NREP: variants seen among roughly 807,000 people sequenced by gnomAD.
NREP encodes the protein neuronal regeneration related protein.
Under a neutral mutation model 8.6 loss-of-function variants are expected in NREP, and 5 were observed. The observed-to-expected ratio is 0.58, with a 90% CI of 0.30 to 1.22. The LOEUF (loss-of-function observed/expected upper bound fraction) is 1.22. Ranked by LOEUF, NREP falls within the 50% of genes most tolerant of loss-of-function variation. The pLI is 0.07. For missense variants in NREP, 86 were observed against 82.5 expected (o/e 1.04, Z -0.17); for synonymous variants, 27 against 28.0 (o/e 0.96, Z 0.11).
intron 2 of NREP, among the ~76,000 whole-genome samples, chr5:111,931,805 T>C (rs1020917304): frequency 9.2e-5 from 14 of 152,134 alleles, no homozygotes; most frequent in Non-Finnish European, 1.5e-5. Flanking sequence ...TTCTGGTTCA[T>C]TCTCTCTTTT....
In NREP at chr5:111,898,464, C is replaced by T. The variant is rs115942777; in HGVS notation, c.135+76810G>A. Among the ~76,000 whole-genome samples, 1,033 of 152,216 alleles carry T rather than the reference C, an allele frequency of 6.8e-3. 16 individuals carry two copies. Among genetic ancestry groups the T allele is most frequent in the African/African-American group, 0.024 (996 of 41,520 alleles). On this transcript the variant is annotated intron_variant, in intron 2 of 3. Coordinates refer to the NREP transcript ENST00000395634. ...GAGACGGGGAAACGTAAATGTACAG[C>T]AGGTTGGGAGGAAACATATTTTTGA...
intron 2 of NREP, among the ~76,000 whole-genome samples, chr5:111,907,882 T>C (rs966112505): frequency 6.6e-6 from 1 of 152,084 alleles, no homozygotes; most frequent in Admixed American, 6.6e-5. Flanking sequence ...GTAGGAATTA[T>C]TACTATTTTT....
chr5:111,973,236 C>T (rs987651201), intron 2 of NREP, among the ~76,000 whole-genome samples: 2 of 146,280 alleles, frequency 1.4e-5, no homozygotes, highest in Non-Finnish European at 3.0e-5. Flanking sequence ...TTATAATTTT[C>T]CCTGCATAGC....
intron 2 of NREP, among the ~76,000 whole-genome samples, chr5:111,768,246 G>A (rs909378464): frequency 6.6e-6 from 1 of 152,080 alleles, no homozygotes; most frequent in Non-Finnish European, 1.5e-5. Context: ...GGTCAACAGT[G>A]GTAGCCTCAA....
intron 2 of NREP, among the ~76,000 whole-genome samples, chr5:111,897,956 A>G (rs960956108): frequency 5.9e-5 from 9 of 152,320 alleles, no homozygotes; most frequent in Admixed American, 5.9e-4. Flanking sequence ...TTTTCTTATT[A>G]ATAGCAAAAG....
rs57518070 is a variant in NREP at position 111,932,117 on chromosome 5, C to CAA, written c.135+43155_135+43156dup. Among the ~76,000 whole-genome samples the CAA allele has an allele frequency of 5.1e-3, 591 of 115,592 alleles. 12 individuals are homozygous for CAA. Among genetic ancestry groups the CAA allele is most frequent in the African/African-American group, 0.017 (553 of 32,506 alleles). The allele number at this position is 115,592 out of a possible 152,430, so 75.8% of individuals were successfully genotyped here. On this transcript the variant is annotated intron_variant, in intron 2 of 3. Coordinates refer to the NREP transcript ENST00000395634. ...TATTAAAGACCGTGGAGACTTTTTG[C>CAA]AAAAAAAAAAAAAAAAGAAAAGAAA...
chr5:111,886,351 G>A, intron 2 of NREP, among the ~76,000 whole-genome samples: 1 of 151,398 alleles, frequency 6.6e-6, no homozygotes, highest in East Asian at 1.9e-4. Flanking sequence ...TGGAGAAATA[G>A]GAACACTTTT....
At chr5:111,792,658 G>A (rs747670058) in intron 2 of NREP, among the ~76,000 whole-genome samples, 6 of 152,182 alleles carry the variant, frequency 3.9e-5, no homozygotes, top group African/African-American at 1.2e-4. Flanking sequence ...ATGGCTAGAT[G>A]CGACAGAATG....
chr5:111,757,158 TC>T lies in NREP; in HGVS notation c.-82del. 4 of 976,782 alleles carry T rather than the reference TC, an allele frequency of 4.1e-6. No homozygotes were observed. The highest frequency in any genetic ancestry group is 4.8e-6 in the Non-Finnish European group (4 of 826,274). The allele number at this position is 976,782 out of a possible 1,614,324, so 60.5% of individuals were successfully genotyped here. A position where few individuals can be genotyped will look rare whatever the true frequency, so the allele number is the denominator to read the frequency against. On this transcript the variant is annotated 5_prime_UTR_variant, in exon 1 of 4. Coordinates refer to ENST00000257435, the MANE Select transcript of NREP (RefSeq NM_004772.4). ...TACAGACAAAAGCCCCGCTCCCTGT[TC>T]ACTCTCTCTCCTCTCTACACCTGAA...
upstream of NREP, among the ~76,000 whole-genome samples, chr5:111,761,591 C>T (rs1750961167): frequency 6.6e-6 from 1 of 152,206 alleles, no homozygotes. Flanking sequence ...TCTGTCTTCA[C>T]CACTAGACTA....
intron 2 of NREP, among the ~76,000 whole-genome samples, chr5:111,838,987 A>C (rs1054100276): frequency 6.6e-6 from 1 of 152,042 alleles, no homozygotes; most frequent in Non-Finnish European, 1.5e-5. Context: ...CAATGGGGGA[A>C]AATGTCCGTA....
intron 2 of NREP, among the ~76,000 whole-genome samples, chr5:111,807,045 A>G (rs1752159404): frequency 6.6e-6 from 1 of 152,184 alleles, no homozygotes; most frequent in South Asian, 2.1e-4. Context: ...CTATTTTAAA[A>G]AAATGTGGGC....
intron 2 of NREP, among the ~76,000 whole-genome samples, chr5:111,876,378 C>A (rs993405610): frequency 2.0e-5 from 3 of 152,284 alleles, no homozygotes; most frequent in Non-Finnish European, 4.4e-5. Context: ...CTTGGTTTCA[C>A]AGCCCAACTT....
At chr5:111,923,224 G>A (rs771268124) in intron 2 of NREP, among the ~76,000 whole-genome samples, 7 of 152,148 alleles carry the variant, frequency 4.6e-5, no homozygotes, top group South Asian at 2.1e-4. Context: ...CTAATTGGGC[G>A]CTTGTGCCTA....
chr5:111,842,846 G>A (rs766903298), intron 2 of NREP, among the ~76,000 whole-genome samples: 3 of 152,146 alleles, frequency 2.0e-5, no homozygotes, highest in Non-Finnish European at 2.9e-5. Flanking sequence ...TGTTGGGTGA[G>A]ATATTCCTGA....
intron 2 of NREP, among the ~76,000 whole-genome samples, chr5:111,821,778 C>G (rs4957984): frequency 1.3e-5 from 2 of 151,938 alleles, no homozygotes; most frequent in South Asian, 4.1e-4. Context: ...TTGGTATTAG[C>G]AGCTCCTTAT....
At chr5:111,755,105 C>A (rs1282506776) in intron 2 of NREP, among the ~76,000 whole-genome samples, 2 of 151,930 alleles carry the variant, frequency 1.3e-5, no homozygotes, top group Non-Finnish European at 2.9e-5. Context: ...AATGTGTATT[C>A]CTTCTGTTTC....
chr5:111,747,839 A>T (rs1244892002), intron 2 of NREP, among the ~76,000 whole-genome samples: 6 of 152,212 alleles, frequency 3.9e-5, no homozygotes, highest in Admixed American at 3.9e-4. Context: ...GGATTTAAAA[A>T]TATCTCTAGC....
At chr5:111,800,112 T>G (rs1244561009) in intron 2 of NREP, among the ~76,000 whole-genome samples, 4 of 149,288 alleles carry the variant, frequency 2.7e-5, no homozygotes, top group Non-Finnish European at 5.9e-5. Context: ...TATTTTTCAG[T>G]AGAGACAGGG....
Sources: gnomAD v4.1 joint callset for allele counts (sites outside exome capture counted in the v4.1 genomes callset) on GRCh38, gnomAD v4.1.1 for gene constraint, MANE v1.5 for transcripts, NCBI Gene and HGNC (gene_info 2026-07-23, HGNC 2026-07-21) for gene names.